CBLB: variants seen among roughly 807,000 people sequenced by gnomAD.
CBLB encodes the protein Cbl proto-oncogene B, also known as E3 ubiquitin-protein ligase CBL-B.
CBLB carries 31 observed loss-of-function variants against 104.9 expected under a neutral mutation model. The ratio of observed to expected loss-of-function variants is 0.30; its 90% CI spans 0.22 to 0.40. The LOEUF is 0.40. CBLB is among the 10% of genes least tolerant of loss of function. CBLB has a pLI of 1.00. For missense variants in CBLB, 1,062 were observed against 1,214.6 expected, an observed-to-expected ratio of 0.87 and a Z score of 1.87; for synonymous variants, 440 against 422.6, an observed-to-expected ratio of 1.04 and a Z score of -0.51.
intron 16 of CBLB, among the ~76,000 whole-genome samples, chr3:105,678,972 C>T (rs1004512119): frequency 2.0e-5 from 3 of 152,146 alleles, no homozygotes; most frequent in African/African-American, 7.2e-5. Flanking sequence ...AAAGAGTTCA[C>T]AGCCTTTAAC....
intron 4 of CBLB, among the ~76,000 whole-genome samples, chr3:105,772,606 C>G (rs1382233440): frequency 6.6e-6 from 1 of 152,146 alleles, no homozygotes; most frequent in African/African-American, 2.4e-5. Context: ...AACATACTTG[C>G]AAACTATGCT....
chr3:105,778,188 A>C (rs950359881), intron 3 of CBLB, among the ~76,000 whole-genome samples: 1 of 152,016 alleles, frequency 6.6e-6, no homozygotes, highest in African/African-American at 2.4e-5. Context: ...AGGACTCAAT[A>C]AAAATATAGA....
chr3:105,685,282 T>C (rs1189458268), intron 14 of CBLB, 38 bp downstream of exon 14: 14 of 1,545,960 alleles, frequency 9.1e-6, no homozygotes, highest in Non-Finnish European at 1.3e-5. Flanking sequence ...ATAATGCTTA[T>C]GCAGATGTAA....
At chr3:105,689,056 A>G (rs1171933638) in intron 13 of CBLB, among the ~76,000 whole-genome samples, 1 of 152,072 alleles carries the variant, frequency 6.6e-6, no homozygotes, top group Admixed American at 6.6e-5. Context: ...CATCTAAAGT[A>G]TAAACCTCTC....
At chr3:105,807,809 G>A (rs923954283) in intron 3 of CBLB, among the ~76,000 whole-genome samples, 2 of 152,138 alleles carry the variant, frequency 1.3e-5, no homozygotes, top group African/African-American at 4.8e-5. Context: ...AGCTGGAAAG[G>A]ACCTTAGACA....
intron 13 of CBLB, among the ~76,000 whole-genome samples, chr3:105,691,456 C>T (rs1298035395): frequency 6.6e-6 from 1 of 152,172 alleles, no homozygotes; most frequent in Non-Finnish European, 1.5e-5. Context: ...GCTTCATTTA[C>T]AGGAGAAGCA....
At chr3:105,682,864 G>A (rs1276173138) in intron 14 of CBLB, among the ~76,000 whole-genome samples, 1 of 152,120 alleles carries the variant, frequency 6.6e-6, no homozygotes, top group African/African-American at 2.4e-5. Flanking sequence ...ATTGAGCCAT[G>A]GGAAGATAGC....
intron 3 of CBLB, among the ~76,000 whole-genome samples, chr3:105,811,838 T>C (rs1035667125): frequency 1.3e-5 from 2 of 152,078 alleles, no homozygotes; most frequent in African/African-American, 4.8e-5. Context: ...GCCTCCCAAG[T>C]AGCTGGGATT....
intron 3 of CBLB, among the ~76,000 whole-genome samples, chr3:105,840,404 A>T (rs1231426530): frequency 6.6e-6 from 1 of 152,128 alleles, no homozygotes; most frequent in East Asian, 1.9e-4. Flanking sequence ...AAAAAGTTGC[A>T]TCGACTGACC....
intron 3 of CBLB, among the ~76,000 whole-genome samples, chr3:105,779,582 A>G (rs1396968404): frequency 6.6e-6 from 1 of 152,030 alleles, no homozygotes; most frequent in Admixed American, 6.6e-5. Flanking sequence ...TATGTAAATA[A>G]TCATCTTAGA....
At chr3:105,702,507 T>C in intron 11 of CBLB, 48 bp from the exon 12 acceptor site, 1 of 1,439,990 alleles carries the variant, frequency 6.9e-7, no homozygotes, top group Non-Finnish European at 9.2e-7. Context: ...AAACTAAAGG[T>C]TGTACCATGC....
intron 3 of CBLB, among the ~76,000 whole-genome samples, chr3:105,791,135 TAGG>T (rs1410365306): frequency 1.3e-5 from 2 of 152,224 alleles, no homozygotes; most frequent in Non-Finnish European, 2.9e-5. Flanking sequence ...ACAAATGAGC[TAGG>T]AGCGTTTCTT....
At position 105,724,082 on chromosome 3, in the gene CBLB, A is replaced by T. The variant is rs530797051; in HGVS notation, c.1204-3832T>A. 40 of 174,028 alleles carry T rather than the reference A, an allele frequency of 2.3e-4. 1 individual carries two copies. In the South Asian group the frequency reaches 7.8e-3, roughly 34 times the overall value. The allele number at this position is 174,028 out of a possible 1,614,324, so 10.8% of individuals were successfully genotyped here. A position where few individuals can be genotyped will look rare whatever the true frequency, so the allele number is the denominator to read the frequency against. On this transcript the variant is annotated intron_variant, in intron 9 of 18. Transcript: ENST00000394030. ...CACAAATCTTTTTTTAAACATAGCA[A>T]TTATAACTGGAAAAATTATATGTAT...
chr3:105,745,845 AC>A (rs1385731973), intron 6 of CBLB, 71 bp downstream of exon 6: 25 of 1,423,252 alleles, frequency 1.8e-5, no homozygotes, highest in Non-Finnish European at 2.4e-5. Flanking sequence ...TTGCTGACTT[AC>A]TTAGGAACAA....
chr3:105,854,596 T>TC (rs539729056), intron 2 of CBLB, among the ~76,000 whole-genome samples: 45 of 151,960 alleles, frequency 3.0e-4, no homozygotes, highest in African/African-American at 1.1e-3. Flanking sequence ...TCGTTGTATT[T>TC]TTTTTTTTTG....
chr3:105,827,494 G>A (rs1409742331), intron 3 of CBLB, among the ~76,000 whole-genome samples: 1 of 150,630 alleles, frequency 6.6e-6, no homozygotes, highest in African/African-American at 2.4e-5. Flanking sequence ...CAGTGTGTAT[G>A]TGTGTGTGTG....
At chr3:105,823,572 A>C (rs2086169653) in intron 3 of CBLB, among the ~76,000 whole-genome samples, 7 of 152,218 alleles carry the variant, frequency 4.6e-5, no homozygotes, top group Admixed American at 4.6e-4. Flanking sequence ...CAAATCAATC[A>C]TTCTATTCCA....
At chr3:105,818,777 A>G (rs1220284227) in intron 3 of CBLB, among the ~76,000 whole-genome samples, 1 of 152,068 alleles carries the variant, frequency 6.6e-6, no homozygotes, top group African/African-American at 2.4e-5. Flanking sequence ...GATTAGTTTT[A>G]TGCAAAATTC....
chr3:105,683,151 T>C lies in CBLB; in HGVS notation c.2202-1333A>G, dbSNP rs191289086. The stretch of plus-strand genomic sequence containing the variant: ...TTCATTTAAAAATAGTTATCATGTA[T>C]TGAATCTTCATAATAATGATGGATT... On this transcript the variant is annotated intron_variant, in intron 14 of 18. Transcript: ENST00000394030. Among the ~76,000 whole-genome samples the C allele has an allele frequency of 1.2e-3, 185 of 152,334 alleles. 1 individual carries two copies. The highest frequency in any genetic ancestry group is 4.0e-3 in the African/African-American group (167 of 41,574).
Sources: gnomAD v4.1 joint callset for allele counts (sites outside exome capture counted in the v4.1 genomes callset) on GRCh38, gnomAD v4.1.1 for gene constraint, MANE v1.5 for transcripts, NCBI Gene and HGNC (gene_info 2026-07-23, HGNC 2026-07-21) for gene names.